The following PRRC2C variants were observed in gnomAD, a reference collection of about 807,000 sequenced individuals.
The protein encoded by PRRC2C is protein PRRC2C.
Under a neutral mutation model 317.2 loss-of-function variants are expected in PRRC2C, and 72 were observed. The ratio of observed to expected loss-of-function variants is 0.23; its 90% CI spans 0.19 to 0.28. The LOEUF (loss-of-function observed/expected upper bound fraction) is 0.28. Ranked by LOEUF, PRRC2C falls within the 10% of genes least tolerant of loss-of-function variation. The pLI, the probability that PRRC2C is intolerant of heterozygous loss-of-function variation, is 1.00. For synonymous variants in PRRC2C, 1,296 were observed against 1,205.9 expected (o/e 1.07, Z -1.55); for missense variants, 3,074 against 3,459.7 (o/e 0.89, Z 2.80).
chr1:171,577,514 C>T lies in PRRC2C; in HGVS notation c.7036C>T (p.Pro2346Ser), dbSNP rs764693591. ...SDPPNICKVK[P>S]QQLQTSSLPS... is the part of the protein sequence containing the mutation. The stretch of plus-strand genomic sequence containing the variant: ...CCCTCCAAATATTTGTAAAGTGAAA[C>T]CTCAGCAGTTACAGACAAGCAGCCT... The change falls in exon 26 of 35, where the codon CCT becomes TCT. Residue 2346 changes from proline (P) to serine (S), a missense_variant. Pro to Ser is a moderately conservative substitution (Grantham distance 74). Transcript: ENST00000647382. 1 of 1,612,978 alleles carries T rather than the reference C, an allele frequency of 6.2e-7. No individual in the cohort carries two copies. Among genetic ancestry groups the T allele is most frequent in the South Asian group, 1.1e-5 (1 of 91,042 alleles).
chr1:171,490,076 C>T (rs554909841), intron 1 of PRRC2C, among the ~76,000 whole-genome samples: 141 of 152,152 alleles, frequency 9.3e-4, no homozygotes, highest in South Asian at 4.8e-3. Context: ...CCTGCCATCA[C>T]GCCTGGCTAA....
intron 17 of PRRC2C, among the ~76,000 whole-genome samples, chr1:171,549,027 G>A (rs545687266): frequency 6.8e-4 from 104 of 152,184 alleles, no homozygotes; most frequent in African/African-American, 2.5e-3. Flanking sequence ...ATTTTTTGTA[G>A]AGACAGGGTT....
chr1:171,545,718 T>TTTAG (rs771700731), intron 17 of PRRC2C, 31 bp downstream of exon 17: 1 of 955,762 alleles, frequency 1.0e-6, no homozygotes, highest in Non-Finnish European at 1.3e-6. Context: ...ATTTTATTTA[T>TTTAG]TTATTTATTT....
At chr1:171,505,692 A>G (rs960851534) in intron 1 of PRRC2C, among the ~76,000 whole-genome samples, 1 of 151,994 alleles carries the variant, frequency 6.6e-6, no homozygotes, top group Non-Finnish European at 1.5e-5. Context: ...CAAACTTTTG[A>G]CTGTTCCCTT....
At chr1:171,582,023 GT>G (rs1648732403) in intron 28 of PRRC2C, among the ~76,000 whole-genome samples, 7 of 108,766 alleles carry the variant, frequency 6.4e-5, no homozygotes, top group Non-Finnish European at 1.3e-4. Flanking sequence ...TTATGTTCTT[GT>G]TTGTTTGTTT....
intron 18 of PRRC2C, among the ~76,000 whole-genome samples, chr1:171,555,305 A>G (rs1291655957): frequency 6.6e-6 from 1 of 152,156 alleles, no homozygotes; most frequent in Non-Finnish European, 1.5e-5. Flanking sequence ...CATGGTTTTC[A>G]GCTCCATCAG....
rs1192860043 is a variant in PRRC2C, at chr1:171,545,496, C to T, written c.4781C>T (p.Pro1594Leu). The T allele has an allele frequency of 1.3e-6, 2 of 1,570,640 alleles. No individual in the cohort carries two copies. Among genetic ancestry groups the T allele is most frequent in the South Asian group, 2.3e-5 (2 of 85,600 alleles). The change falls in exon 17 of 35, where the codon CCT (proline) becomes CTT (leucine). Residue 1594 changes from proline to leucine, a missense_variant. By Grantham distance (98) the Pro-to-Leu change is moderately conservative. Coordinates refer to ENST00000647382, the MANE Select transcript of PRRC2C (RefSeq NM_001387844.1). ...TTTTGTAGGCCATTTGATGACCAGC[C>T]TGCAGGCACAACTGGGGTTGACCTC... Reference protein sequence around the residue: ...SGKRGPFDDQPAGTTGVDLIN... With the variant: ...SGKRGPFDDQLAGTTGVDLIN...
intron 23 of PRRC2C, among the ~76,000 whole-genome samples, chr1:171,570,526 G>A (rs1684607977): frequency 6.6e-6 from 1 of 152,088 alleles, no homozygotes. Context: ...ATCACAAAGT[G>A]ATTATCTTAA....
intron 5 of PRRC2C, among the ~76,000 whole-genome samples, chr1:171,517,174 A>G (rs528996766): frequency 4.6e-5 from 7 of 152,208 alleles, no homozygotes; most frequent in African/African-American, 1.2e-4. Context: ...TAACAATAAT[A>G]TACTGGAAAC....
intron 10 of PRRC2C, among the ~76,000 whole-genome samples, chr1:171,527,499 G>A (rs963244388): frequency 1.3e-5 from 2 of 151,370 alleles, no homozygotes; most frequent in Non-Finnish European, 2.9e-5. Context: ...GCTCACATCT[G>A]TAATCCTAGC....
At chr1:171,589,319 T>C in intron 33 of PRRC2C, 50 bp from the exon 34 acceptor site, 1 of 708,206 alleles carries the variant, frequency 1.4e-6, no homozygotes, top group Non-Finnish European at 2.0e-6. Context: ...TTTTTTTTTT[T>C]TTTTTTTTTT....
At position 171,542,059 on chromosome 1, in the gene PRRC2C, G is replaced by C. The variant is rs375242126; in HGVS notation, c.4593G>C (p.Glu1531Asp). ...CACAAACAGTTGTAAAGGTTGGAGA[G>C]AATGTTCTACCTCCAAAGAGGGAAA... is the stretch of plus-strand genomic sequence containing the variant. ...LNAQTVVKVG[E>D]NVLPPKREIA... Residue 1531 changes from glutamate (E) to aspartate (D), a missense_variant, in exon 16 of 35, where the codon GAG (glutamate) becomes GAC (aspartate). By Grantham distance (45) the Glu-to-Asp change is conservative. Coordinates refer to ENST00000647382, the MANE Select transcript of PRRC2C (RefSeq NM_001387844.1). 6 of 1,613,792 alleles carry C rather than the reference G, an allele frequency of 3.7e-6. No individual in the cohort carries two copies. The highest frequency in any genetic ancestry group is 3.3e-5 in the Admixed American group (2 of 59,988).
chr1:171,498,016 A>G (rs972982927), intron 1 of PRRC2C, among the ~76,000 whole-genome samples: 44 of 145,294 alleles, frequency 3.0e-4, no homozygotes, highest in African/African-American at 1.1e-3. Context: ...AAGAAAAGAC[A>G]AAGTCTTGCT....
intron 1 of PRRC2C, among the ~76,000 whole-genome samples, chr1:171,487,426 A>T (rs1049622358): frequency 6.6e-6 from 1 of 152,322 alleles, no homozygotes; most frequent in Admixed American, 6.5e-5. Flanking sequence ...GTTTTTCTTT[A>T]GCTTGACTAG....
At position 171,540,311 on chromosome 1, in the gene PRRC2C, C is replaced by G; in HGVS notation, c.2845C>G (p.Pro949Ala). 1 of 1,613,598 alleles carries G rather than the reference C, an allele frequency of 6.2e-7. No individual in the cohort carries two copies. Among genetic ancestry groups the G allele is most frequent in the Non-Finnish European group, 8.5e-7 (1 of 1,179,796 alleles). ...EQRSEPSAGI[P>A]KVTSRCIDSK... ...GAGAAGTGAACCATCTGCAGGCATTCCTAAAGTAACCAGCAGATGCATTGA... is the reference window on the plus strand; with the variant it reads ...GAGAAGTGAACCATCTGCAGGCATTGCTAAAGTAACCAGCAGATGCATTGA... The change falls in exon 16 of 35, where the codon CCT becomes GCT. Residue 949 changes from proline (P) to alanine (A), a missense_variant. This residue lies in a region of PRRC2C where 1,320 missense variants were observed against 1,395.7 expected (regional missense o/e 0.95). Transcript: ENST00000647382.
chr1:171,565,290 C>G (rs1043041085), intron 20 of PRRC2C, among the ~76,000 whole-genome samples: 5 of 152,184 alleles, frequency 3.3e-5, no homozygotes, highest in African/African-American at 1.2e-4. Flanking sequence ...CTCTGTCTAC[C>G]AGTCTAGTAG....
chr1:171,511,425 C>A (rs925438173), intron 1 of PRRC2C: 2 of 151,972 alleles, frequency 1.3e-5, no homozygotes, highest in African/African-American at 4.8e-5. Context: ...TGTAAGGGAA[C>A]TTTATATATG....
At position 171,593,377 on chromosome 1, in the gene PRRC2C, C is replaced by G. The variant is rs1651785792; in HGVS notation, c.*1530C>G. 1 of 151,594 alleles carries G rather than the reference C, an allele frequency of 6.6e-6. No homozygotes were observed. Among genetic ancestry groups the G allele is most frequent in the African/African-American group, 2.4e-5 (1 of 41,306 alleles). The allele number at this position is 151,594 out of a possible 1,614,324, so 9.4% of individuals were successfully genotyped here. On this transcript the variant is annotated 3_prime_UTR_variant, in exon 35 of 35. Coordinates refer to ENST00000647382, the MANE Select transcript of PRRC2C (RefSeq NM_001387844.1). ...TGAGTTGGCATTGTACAGAAATTAA[C>G]AGCCATATTGGTCTAGAAACGTTAA...
intron 30 of PRRC2C, among the ~76,000 whole-genome samples, chr1:171,585,448 G>C (rs1033588267): frequency 1.9e-5 from 1 of 53,312 alleles, no homozygotes; most frequent in African/African-American, 6.0e-5. Flanking sequence ...GGCTGGTGGG[G>C]GAACAAAGTC....
Sources: allele counts gnomAD v4.1 joint callset (sites outside exome capture counted in the v4.1 genomes callset), GRCh38; gene constraint gnomAD v4.1.1; regional missense constraint gnomAD v4.1.1; transcripts MANE v1.5; gene names NCBI Gene and HGNC (gene_info 2026-07-23, HGNC 2026-07-21).